The following GRIA2 variants were observed in gnomAD, a reference collection of about 807,000 sequenced individuals.
GRIA2 encodes glutamate receptor 2.
A neutral mutation model predicts 97.3 loss-of-function variants in GRIA2; 14 were observed. That is an observed-to-expected ratio of 0.14 (90% CI 0.10 to 0.23). GRIA2 has a LOEUF of 0.23. Among genes scored for constraint, GRIA2 ranks in the 10% least tolerant of loss-of-function variants. GRIA2 has a pLI of 1.00. For synonymous variants in GRIA2, 412 were observed against 387.8 expected (o/e 1.06, Z -0.73); for missense variants, 558 against 1,069.8 (o/e 0.52, Z 6.67).
chr4:157,362,397 ATGGTT>A (rs1440324937), intron 14 of GRIA2: 2 of 457,870 alleles, frequency 4.4e-6, no homozygotes, highest in African/African-American at 4.0e-5. Context: ...AATCACACGT[ATGGTT>A]TATTTTAGCC....
chr4:157,300,117 A>T (rs1434493192), intron 2 of GRIA2, among the ~76,000 whole-genome samples: 2 of 151,704 alleles, frequency 1.3e-5, no homozygotes, highest in Non-Finnish European at 2.9e-5. Flanking sequence ...TTCCTTCATT[A>T]CAGGATGGAT....
At chr4:157,234,058 C>T (rs943562879) in intron 2 of GRIA2, among the ~76,000 whole-genome samples, 6 of 152,120 alleles carry the variant, frequency 3.9e-5, no homozygotes, top group African/African-American at 1.4e-4. Context: ...TATGGCTTCA[C>T]TATTTACTAG....
intron 2 of GRIA2, among the ~76,000 whole-genome samples, chr4:157,275,754 C>T (rs904423735): frequency 6.6e-6 from 1 of 152,076 alleles, no homozygotes; most frequent in African/African-American, 2.4e-5. Flanking sequence ...CAGTACCATG[C>T]TGTTTTTGTT....
chr4:157,335,642 A>C, intron 9 of GRIA2, 29 bp from the exon 10 acceptor site: 1 of 1,329,772 alleles, frequency 7.5e-7, no homozygotes, highest in Non-Finnish European at 1.1e-6. Flanking sequence ...AGATATTTTA[A>C]TCAGCTAAAG....
At chr4:157,228,471 A>G (rs1354145696) in intron 2 of GRIA2, among the ~76,000 whole-genome samples, 1 of 152,210 alleles carries the variant, frequency 6.6e-6, no homozygotes, top group Non-Finnish European at 1.5e-5. Flanking sequence ...AAGAGGATTT[A>G]TAAATGCTAA....
rs977392859 is a variant in GRIA2, at chr4:157,365,920, A to G, written c.*2489A>G. ...AACTCCAAGAAGACATACACTTTCT[A>G]TAACTTCTATTGAAGATATTGGAAT... is the stretch of plus-strand genomic sequence containing the variant. On this transcript the variant is annotated 3_prime_UTR_variant, in exon 16 of 16. Coordinates refer to ENST00000264426, the MANE Select transcript of GRIA2 (RefSeq NM_001083619.3). The G allele has an allele frequency of 2.0e-5, 3 of 151,744 alleles. No individual in the cohort carries two copies. Among genetic ancestry groups the G allele is most frequent in the African/African-American group, 4.8e-5 (2 of 41,374 alleles). 9.4% of individuals were successfully genotyped at this position (151,744 alleles called of 1,614,324 possible). A position where few individuals can be genotyped will look rare whatever the true frequency, so the allele number is the denominator to read the frequency against.
chr4:157,283,340 G>T (rs1023513520), intron 2 of GRIA2, among the ~76,000 whole-genome samples: 1 of 151,872 alleles, frequency 6.6e-6, no homozygotes, highest in African/African-American at 2.4e-5. Flanking sequence ...TTTCCAGAAG[G>T]GGCGTATCTC....
At chr4:157,247,274 C>A (rs1730772836) in intron 2 of GRIA2, among the ~76,000 whole-genome samples, 1 of 152,166 alleles carries the variant, frequency 6.6e-6, no homozygotes. Context: ...GACAAATTCA[C>A]AACAGATTTG....
intron 2 of GRIA2, among the ~76,000 whole-genome samples, chr4:157,245,941 C>T (rs1207475051): frequency 1.3e-5 from 2 of 152,096 alleles, no homozygotes; most frequent in Admixed American, 6.6e-5. Context: ...TCTCACAGAA[C>T]ACGAATGTTT....
At chr4:157,342,220 T>G (rs900459303) in intron 12 of GRIA2, 91 of 982,464 alleles carry the variant, frequency 9.3e-5, no homozygotes, top group Non-Finnish European at 1.1e-4. Flanking sequence ...TACAAATATA[T>G]TCGAATATAT....
chr4:157,340,031 G>C (rs1335180586), intron 11 of GRIA2, among the ~76,000 whole-genome samples: 1 of 151,124 alleles, frequency 6.6e-6, no homozygotes, highest in Admixed American at 6.6e-5. Context: ...CTTTATTTTA[G>C]CAACTGATGT....
intron 1 of GRIA2, 160 bp from the exon 2 acceptor site, chr4:157,221,506 CT>C: frequency 1.4e-6 from 1 of 732,570 alleles, no homozygotes. Flanking sequence ...CCTTGGCTAG[CT>C]TTTGGATATT....
intron 2 of GRIA2, among the ~76,000 whole-genome samples, chr4:157,234,126 A>C (rs1730139520): frequency 6.6e-6 from 1 of 152,086 alleles, no homozygotes; most frequent in Admixed American, 6.6e-5. Flanking sequence ...CCTCTGTAAA[A>C]TGGGGTTCAT....
intron 2 of GRIA2, among the ~76,000 whole-genome samples, chr4:157,223,265 G>A (rs1267359666): frequency 6.6e-6 from 1 of 152,132 alleles, no homozygotes; most frequent in Non-Finnish European, 1.5e-5. Flanking sequence ...TGATAGAATA[G>A]GGGCATTGTG....
intron 2 of GRIA2, among the ~76,000 whole-genome samples, chr4:157,225,059 C>A (rs1318601700): frequency 6.6e-6 from 1 of 151,916 alleles, no homozygotes; most frequent in Non-Finnish European, 1.5e-5. Context: ...AATTTTATTC[C>A]TGAGATGGAG....
Position 157,247,363 on chromosome 4 carries a change from T to C in GRIA2, c.229+25556T>C, listed in dbSNP as rs116300866. ...GCAGGATCATTGTGATTGATGAAAC[T>C]GGGAAATCCCTGTATTTTGTGTAAA... On this transcript the variant is annotated intron_variant, in intron 2 of 15. Coordinates refer to ENST00000264426, the MANE Select transcript of GRIA2 (RefSeq NM_001083619.3). Among the ~76,000 whole-genome samples the C allele has an allele frequency of 3.7e-3, 569 of 152,284 alleles. 3 individuals carry two copies. Among genetic ancestry groups the C allele is most frequent in the African/African-American group, 0.013 (538 of 41,586 alleles).
intron 2 of GRIA2, among the ~76,000 whole-genome samples, chr4:157,283,300 C>T (rs78462100): frequency 0.033 from 4,938 of 151,878 alleles, 94 homozygotes; most frequent in Middle Eastern, 0.082. Flanking sequence ...AATGCAAAGT[C>T]ATGTCTGAAA....
rs1373448097 is a variant in GRIA2 at position 157,332,883 on chromosome 4, A to G, written c.947A>G (p.Lys316Arg). 6.2e-7 allele frequency: 1 copy of G among 1,612,728 alleles called. No individual in the cohort carries two copies. The highest frequency in any genetic ancestry group is 8.5e-7 in the Non-Finnish European group (1 of 1,179,018). ...ACTGAAGCCTTCCGCAACCTAAGGA[A>G]GCAAAGAATTGAAATCTCCCGAAGG... ...VMTEAFRNLR[K>R]QRIEISRRGN... The change falls in exon 7 of 16, where the codon AAG becomes AGG. Residue 316 changes from lysine (K) to arginine (R), a missense_variant. Coordinates refer to ENST00000264426, the MANE Select transcript of GRIA2 (RefSeq NM_001083619.3).
intron 2 of GRIA2, among the ~76,000 whole-genome samples, chr4:157,297,810 CAT>C (rs1415695352): frequency 6.6e-6 from 1 of 151,900 alleles, no homozygotes; most frequent in Non-Finnish European, 1.5e-5. Context: ...AAAGCTCACA[CAT>C]GAGTTCATGA....
Sources: gnomAD v4.1 joint callset for allele counts (sites outside exome capture counted in the v4.1 genomes callset) on GRCh38, gnomAD v4.1.1 for gene constraint, MANE v1.5 for transcripts, NCBI Gene and HGNC (gene_info 2026-07-23, HGNC 2026-07-21) for gene names.